BACH2: variants seen among roughly 807,000 people sequenced by gnomAD.
The protein encoded by BACH2 is BACH transcriptional regulator 2.
In BACH2, 5 loss-of-function variants were observed where a neutral mutation model predicts 61.8. That is an observed-to-expected ratio of 0.08 (90% CI 0.04 to 0.17). BACH2 has a LOEUF of 0.17. BACH2 is among the 10% of genes least tolerant of loss of function. The pLI, the probability that BACH2 is intolerant of heterozygous loss-of-function variation, is 1.00. For synonymous variants in BACH2, 446 were observed against 440.1 expected (o/e 1.01, Z -0.17); for missense variants, 824 against 1,091.1 (o/e 0.76, Z 3.45).
At chr6:90,078,869 C>G (rs1248189786) in intron 5 of BACH2, among the ~76,000 whole-genome samples, 2 of 152,192 alleles carry the variant, frequency 1.3e-5, no homozygotes, top group African/African-American at 2.4e-5. Context: ...CTGTGCCACA[C>G]TGTCTGCCAC....
chr6:90,295,843 C>G (rs1582577926), intron 1 of BACH2, among the ~76,000 whole-genome samples: 11 of 152,206 alleles, frequency 7.2e-5, no homozygotes, highest in Middle Eastern at 3.4e-3. Context: ...AGGCCCCCAG[C>G]TCGCCTCTTC....
chr6:89,949,770 C>T (rs1474674473), intron 7 of BACH2, among the ~76,000 whole-genome samples: 1 of 152,104 alleles, frequency 6.6e-6, no homozygotes, highest in African/African-American at 2.4e-5. Flanking sequence ...CATGGGATGG[C>T]CCTGGGGTCT....
At chr6:90,245,272 A>G (rs960484910) in intron 3 of BACH2, among the ~76,000 whole-genome samples, 4 of 152,138 alleles carry the variant, frequency 2.6e-5, no homozygotes, top group African/African-American at 9.7e-5. Context: ...ACTCTTCCTT[A>G]AAATACAATT....
intron 4 of BACH2, among the ~76,000 whole-genome samples, chr6:90,177,027 T>G (rs1374389775): frequency 6.6e-6 from 1 of 152,202 alleles, no homozygotes; most frequent in East Asian, 1.9e-4. Flanking sequence ...ATGTTAATAT[T>G]AAAATATTAT....
intron 4 of BACH2, among the ~76,000 whole-genome samples, chr6:90,203,530 G>C (rs1769031211): frequency 6.6e-6 from 1 of 152,216 alleles, no homozygotes; most frequent in East Asian, 1.9e-4. Context: ...TCTGCATGAG[G>C]GTTTGGGAGA....
intron 4 of BACH2, among the ~76,000 whole-genome samples, chr6:90,092,291 AATATATAT>A (rs1167228249): frequency 8.8e-6 from 1 of 113,826 alleles, no homozygotes; most frequent in African/African-American, 3.6e-5. Context: ...AAAAAAAAAA[AATATATAT>A]ATATATATAT....
rs760751758 is a variant in BACH2, at chr6:89,932,836, C to T, written c.2098G>A (p.Gly700Arg). The T allele has an allele frequency of 6.2e-7, 1 of 1,610,144 alleles. No homozygotes were observed. The highest frequency in any genetic ancestry group is 1.7e-5 in the Admixed American group (1 of 59,922). ...CAGGAGAAGTTGTCCAACAGTTCCCCCATGCATGCTTTCAGTTGATTCCTC... is the reference window on the plus strand; with the variant it reads ...CAGGAGAAGTTGTCCAACAGTTCCCTCATGCATGCTTTCAGTTGATTCCTC... ...SERNQLKACM[G>R]ELLDNFSCLS... Residue 700 changes from glycine to arginine, a missense_variant, in exon 9 of 9, where the codon GGG (glycine) becomes AGG (arginine). Around this residue, in one of 8 missense-constraint regions of BACH2, gnomAD observed 160 missense variants for 283.5 expected, o/e 0.56. Transcript: ENST00000257749.
chr6:89,978,847 A>G (rs1775798069), intron 6 of BACH2, among the ~76,000 whole-genome samples: 1 of 152,160 alleles, frequency 6.6e-6, no homozygotes, highest in African/African-American at 2.4e-5. Context: ...AACATCCCCT[A>G]CTTTCTGAAT....
At chr6:90,145,720 C>T (rs187797446) in intron 4 of BACH2, among the ~76,000 whole-genome samples, 1 of 152,262 alleles carries the variant, frequency 6.6e-6, no homozygotes, top group Non-Finnish European at 1.5e-5. Flanking sequence ...TATGTGAACG[C>T]ATTAAGTCTC....
intron 6 of BACH2, among the ~76,000 whole-genome samples, chr6:90,005,455 T>C (rs1379082288): frequency 1.3e-5 from 2 of 152,242 alleles, no homozygotes. Context: ...CAAATGCCGA[T>C]TAGTTCCAGA....
chr6:89,938,266 A>C lies in BACH2; in HGVS notation c.1921T>G (p.Ser641Ala), dbSNP rs147278897. 109 of 1,614,192 alleles carry C rather than the reference A, an allele frequency of 6.8e-5. No individual in the cohort carries two copies. Among genetic ancestry groups the C allele is most frequent in the Non-Finnish European group, 9.2e-5 (108 of 1,180,012 alleles). Residue 641 changes from serine to alanine, a missense_variant, in exon 8 of 9, where the codon TCA (serine) becomes GCA (alanine). This residue lies in a region of BACH2 where 160 missense variants were observed against 283.5 expected (regional missense o/e 0.56). Transcript: ENST00000257749. ...TCATGAATAAACTCTAACTGTTCTG[A>C]GGTTAGCTTGTGCATTTTAATCATC... ...QMMIKMHKLT[S>A]EQLEFIHDVR...
intron 5 of BACH2, among the ~76,000 whole-genome samples, chr6:90,075,160 T>C (rs1002889783): frequency 6.6e-6 from 1 of 152,128 alleles, no homozygotes; most frequent in African/African-American, 2.4e-5. Flanking sequence ...ACATATAAGA[T>C]ATAAGGCACA....
chr6:90,259,617 A>AT (rs1034965262), intron 2 of BACH2, among the ~76,000 whole-genome samples: 2 of 152,082 alleles, frequency 1.3e-5, no homozygotes, highest in South Asian at 2.1e-4. Flanking sequence ...TTCTAGTTCT[A>AT]TTTTTTTGGA....
At chr6:90,263,188 CT>C (rs1771218956) in intron 2 of BACH2, among the ~76,000 whole-genome samples, 1 of 152,132 alleles carries the variant, frequency 6.6e-6, no homozygotes, top group African/African-American at 2.4e-5. Context: ...ATTGAAGACA[CT>C]AGGTAAGCAC....
At chr6:90,213,439 C>G (rs894653027) in intron 3 of BACH2, among the ~76,000 whole-genome samples, 1 of 152,190 alleles carries the variant, frequency 6.6e-6, no homozygotes, top group Non-Finnish European at 1.5e-5. Flanking sequence ...CTGTAAACCT[C>G]CGGGAGAGAA....
At chr6:90,011,833 A>C (rs1376748016) in intron 5 of BACH2, among the ~76,000 whole-genome samples, 1 of 117,830 alleles carries the variant, frequency 8.5e-6, no homozygotes, top group African/African-American at 3.4e-5. Context: ...AGACAGGAGA[A>C]TCGCTTGAAC....
At chr6:89,990,321 T>C (rs1776474423) in intron 6 of BACH2, among the ~76,000 whole-genome samples, 2 of 152,218 alleles carry the variant, frequency 1.3e-5, no homozygotes, top group South Asian at 4.1e-4. Flanking sequence ...AGAGTTTTTG[T>C]AAGGCAAACT....
chr6:90,294,093 C>T (rs535113869), intron 1 of BACH2, among the ~76,000 whole-genome samples: 1 of 152,152 alleles, frequency 6.6e-6, no homozygotes, highest in East Asian at 1.9e-4. Flanking sequence ...AAAAAAGTAA[C>T]TAACAGGAGT....
At chr6:90,124,026 A>C (rs1157123809) in intron 4 of BACH2, among the ~76,000 whole-genome samples, 2 of 152,090 alleles carry the variant, frequency 1.3e-5, no homozygotes, top group Non-Finnish European at 2.9e-5. Flanking sequence ...TTTTGTCAAA[A>C]ACTGATATCT....
Sources: allele counts gnomAD v4.1 joint callset (sites outside exome capture counted in the v4.1 genomes callset), GRCh38; gene constraint gnomAD v4.1.1; regional missense constraint gnomAD v4.1.1; transcripts MANE v1.5; gene names NCBI Gene and HGNC (gene_info 2026-07-23, HGNC 2026-07-21).